DCC: variants seen among roughly 807,000 people sequenced by gnomAD.
DCC encodes netrin receptor DCC.
DCC carries 58 observed loss-of-function variants against 172.5 expected under a neutral mutation model. The observed-to-expected ratio is 0.34, with a 90% confidence interval of 0.27 to 0.42. The LOEUF (loss-of-function observed/expected upper bound fraction) is 0.42. Ranked by LOEUF, DCC falls within the 10% of genes least tolerant of loss-of-function variation. DCC has a pLI of 1.00. For synonymous variants in DCC, 709 were observed against 644.5 expected, an observed-to-expected ratio of 1.10 and a Z score of -1.52; for missense variants, 1,740 against 1,791.0, an observed-to-expected ratio of 0.97 and a Z score of 0.51.
chr18:53,018,309 G>A (rs2041835645), intron 5 of DCC, among the ~76,000 whole-genome samples: 1 of 152,196 alleles, frequency 6.6e-6, no homozygotes, highest in Non-Finnish European at 1.5e-5. Flanking sequence ...ACAGCGTCAA[G>A]CTGTCAGCTG....
chr18:52,994,505 C>T (rs1332138860), intron 5 of DCC, among the ~76,000 whole-genome samples: 4 of 152,080 alleles, frequency 2.6e-5, no homozygotes, highest in Non-Finnish European at 5.9e-5. Context: ...GGGATATGAA[C>T]GTACGATTCT....
chr18:52,399,148 G>T (rs1420747865), intron 1 of DCC, among the ~76,000 whole-genome samples: 2 of 151,834 alleles, frequency 1.3e-5, no homozygotes, highest in Non-Finnish European at 2.9e-5. Context: ...ATCTTTCATA[G>T]TAAGATGTCT....
At chr18:53,303,042 A>AT (rs2057159124) in intron 12 of DCC, among the ~76,000 whole-genome samples, 1 of 152,112 alleles carries the variant, frequency 6.6e-6, no homozygotes. Flanking sequence ...GAAAGGGGTC[A>AT]TTTTATCATT....
At chr18:53,119,492 G>C (rs2043453175) in intron 7 of DCC, among the ~76,000 whole-genome samples, 1 of 151,758 alleles carries the variant, frequency 6.6e-6, no homozygotes, top group Non-Finnish European at 1.5e-5. Context: ...TGAGATCAGG[G>C]CCACTCTTGT....
chr18:52,417,853 A>C (rs966271029), intron 1 of DCC, among the ~76,000 whole-genome samples: 2 of 152,186 alleles, frequency 1.3e-5, no homozygotes, highest in African/African-American at 4.8e-5. Flanking sequence ...TGATCGTCTG[A>C]AGCCTTCTTC....
At chr18:52,886,576 G>A (rs1331826407) in intron 2 of DCC, among the ~76,000 whole-genome samples, 2 of 152,158 alleles carry the variant, frequency 1.3e-5, no homozygotes, top group Non-Finnish European at 2.9e-5. Flanking sequence ...CTAAGACAAG[G>A]TCCCATAGCT....
rs145862831 is a variant in DCC at position 52,505,971 on chromosome 18, G to A, written c.91+165093G>A. 3.3e-3 allele frequency among the ~76,000 whole-genome samples: 496 copies of A among 152,228 alleles called. 9 individuals carry two copies. The highest frequency in any genetic ancestry group is 0.011 in the African/African-American group (465 of 41,560). ...TTATGGAAATATTTCCTTTGGTTGT[G>A]AGAAAACACATTTCCACATGTCACC... On this transcript the variant is annotated intron_variant, in intron 1 of 28. Transcript: ENST00000442544.
chr18:53,398,073 G>C (rs1909067702), intron 18 of DCC, among the ~76,000 whole-genome samples: 1 of 152,074 alleles, frequency 6.6e-6, no homozygotes, highest in Admixed American at 6.6e-5. Flanking sequence ...ACTTTAACAA[G>C]GATGCAGTGT....
intron 1 of DCC, among the ~76,000 whole-genome samples, chr18:52,683,870 A>C (rs1041165085): frequency 6.6e-6 from 1 of 152,150 alleles, no homozygotes; most frequent in Non-Finnish European, 1.5e-5. Flanking sequence ...TGGTAAAAGC[A>C]CACAGCTCCA....
intron 1 of DCC, among the ~76,000 whole-genome samples, chr18:52,604,662 G>A (rs2034095062): frequency 6.6e-6 from 1 of 152,130 alleles, no homozygotes. Flanking sequence ...CACATAGTAT[G>A]TCCATTTCTA....
At chr18:53,382,307 C>T (rs537844981) in intron 15 of DCC, among the ~76,000 whole-genome samples, 16 of 152,106 alleles carry the variant, frequency 1.1e-4, no homozygotes, top group Non-Finnish European at 1.9e-4. Context: ...TGAAATCAGA[C>T]GTAGTCCATC....
At chr18:53,007,403 G>C (rs1248136653) in intron 5 of DCC, among the ~76,000 whole-genome samples, 1 of 152,066 alleles carries the variant, frequency 6.6e-6, no homozygotes, top group African/African-American at 2.4e-5. Context: ...CCCATTACTT[G>C]ACAAAAATAG....
intron 5 of DCC, among the ~76,000 whole-genome samples, chr18:53,059,420 A>T (rs1379984280): frequency 1.3e-5 from 2 of 152,158 alleles, no homozygotes; most frequent in Non-Finnish European, 2.9e-5. Flanking sequence ...CGTGTGGATG[A>T]TAAGTTTAAC....
chr18:53,285,710 C>T (rs1404440567), intron 12 of DCC, among the ~76,000 whole-genome samples: 1 of 152,196 alleles, frequency 6.6e-6, no homozygotes, highest in African/African-American at 2.4e-5. Flanking sequence ...CCACTGACAG[C>T]TTACACCATG....
intron 1 of DCC, among the ~76,000 whole-genome samples, chr18:52,464,989 G>T (rs952533036): frequency 6.6e-6 from 1 of 151,956 alleles, no homozygotes; most frequent in African/African-American, 2.4e-5. Context: ...AAAGATATTT[G>T]GTCTGAGCAT....
chr18:52,839,325 C>T (rs543919823), intron 2 of DCC, among the ~76,000 whole-genome samples: 63 of 152,224 alleles, frequency 4.1e-4, no homozygotes, highest in African/African-American at 1.4e-3. Flanking sequence ...TCATTTATCA[C>T]AATAAAAGGT....
chr18:52,404,272 A>G (rs975307804), intron 1 of DCC, among the ~76,000 whole-genome samples: 1 of 152,054 alleles, frequency 6.6e-6, no homozygotes, highest in African/African-American at 2.4e-5. Context: ...ATGTACAGAC[A>G]TCATTGAGCA....
At chr18:53,381,801 T>A (rs1907763195) in intron 15 of DCC, among the ~76,000 whole-genome samples, 1 of 152,034 alleles carries the variant, frequency 6.6e-6, no homozygotes, top group African/African-American at 2.4e-5. Context: ...GTATTTATTG[T>A]ATTTTCCAGG....
At chr18:53,436,483 G>A (rs994624438) in intron 22 of DCC, among the ~76,000 whole-genome samples, 3 of 152,172 alleles carry the variant, frequency 2.0e-5, no homozygotes, top group African/African-American at 7.2e-5. Flanking sequence ...AAATAGAATA[G>A]TGGTGTAAAT....
Sources: allele counts gnomAD v4.1 joint callset (sites outside exome capture counted in the v4.1 genomes callset), GRCh38; gene constraint gnomAD v4.1.1; transcripts MANE v1.5; gene names NCBI Gene and HGNC (gene_info 2026-07-23, HGNC 2026-07-21).